The following ZFP2 variants were observed in gnomAD, a reference collection of about 807,000 sequenced individuals.
ZFP2 encodes the protein zinc finger protein ZFP2.
In ZFP2, 33 loss-of-function variants were observed where a neutral mutation model predicts 36.1. The observed-to-expected ratio is 0.92, with a 90% CI of 0.69 to 1.22. The LOEUF (loss-of-function observed/expected upper bound fraction) is 1.22, where lower values mean the gene tolerates loss of function less well. Ranked by LOEUF, ZFP2 falls within the 50% of genes most tolerant of loss-of-function variation. The pLI, the probability that ZFP2 is intolerant of heterozygous loss-of-function variation, is 0.00. For synonymous variants in ZFP2, 170 were observed against 178.0 expected (o/e 0.96, Z 0.36); for missense variants, 522 against 551.4 (o/e 0.95, Z 0.53).
At chr5:178,920,351 C>T (rs1202567003) in intron 4 of ZFP2, among the ~76,000 whole-genome samples, 1 of 152,004 alleles carries the variant, frequency 6.6e-6, no homozygotes, top group African/African-American at 2.4e-5. Context: ...ATTAAAAATA[C>T]TGTAGGGCTA....
intron 1 of ZFP2, among the ~76,000 whole-genome samples, chr5:178,903,583 T>G (rs182797534): frequency 1.2e-3 from 184 of 152,354 alleles, no homozygotes; most frequent in Admixed American, 1.4e-3. Flanking sequence ...GTCATGTTTC[T>G]TTTAAATTTG....
intron 3 of ZFP2, among the ~76,000 whole-genome samples, chr5:178,913,447 G>A (rs984597461): frequency 2.0e-5 from 3 of 152,132 alleles, no homozygotes; most frequent in Admixed American, 2.0e-4. Context: ...CAACCATAAC[G>A]TATATCCATA....
chr5:178,903,619 A>C (rs1054576786), intron 1 of ZFP2, among the ~76,000 whole-genome samples: 1 of 152,216 alleles, frequency 6.6e-6, no homozygotes, highest in African/African-American at 2.4e-5. Context: ...GCTACAAAAA[A>C]GTTTTGAAGT....
At chr5:178,912,132 CA>C (rs955948199) in intron 1 of ZFP2, among the ~76,000 whole-genome samples, 16 of 151,882 alleles carry the variant, frequency 1.1e-4, no homozygotes, top group Non-Finnish European at 2.4e-4. Context: ...GACTCGGTCT[CA>C]AAAAAATAGG....
chr5:178,924,487 G>A (rs1196125134), intron 4 of ZFP2, among the ~76,000 whole-genome samples: 2 of 148,474 alleles, frequency 1.3e-5, no homozygotes, highest in Non-Finnish European at 3.0e-5. Flanking sequence ...TAGTGTTATC[G>A]TAACCACTGT....
intron 4 of ZFP2, among the ~76,000 whole-genome samples, chr5:178,920,524 C>G (rs1758537553): frequency 2.6e-5 from 4 of 151,954 alleles, no homozygotes; most frequent in African/African-American, 9.7e-5. Flanking sequence ...GTAGTCCCAG[C>G]TACTCAGGAG....
chr5:178,910,540 A>C, intron 1 of ZFP2: 1 of 536,620 alleles, frequency 1.9e-6, no homozygotes. Flanking sequence ...TGCTGGGGTC[A>C]TGGTCTGCAT....
intron 4 of ZFP2, among the ~76,000 whole-genome samples, chr5:178,925,148 C>CAT (rs1758643371): frequency 8.0e-6 from 1 of 125,476 alleles, no homozygotes; most frequent in African/African-American, 2.6e-5. Context: ...CACACACACA[C>CAT]ACATATATAT....
In ZFP2 at chr5:178,932,436, A is replaced by G; in HGVS notation, c.1123A>G (p.Ile375Val). 6.2e-7 allele frequency: 1 copy of G among 1,614,186 alleles called. No homozygotes were observed. Among genetic ancestry groups the G allele is most frequent in the Non-Finnish European group, 8.5e-7 (1 of 1,180,040 alleles). The change falls in exon 5 of 5, where the codon ATT becomes GTT. Residue 375 changes from isoleucine (I) to valine (V), a missense_variant. Ile to Val is a conservative substitution (Grantham distance 29, BLOSUM62 3). Coordinates refer to ENST00000361362, the MANE Select transcript of ZFP2 (RefSeq NM_030613.4). Reference sequence around the variant, plus strand: ...ATCATCCCTTACCGTGCATCAGGTCATTCACACTGGAGAGAAACCTTATGA... The same window carrying G: ...ATCATCCCTTACCGTGCATCAGGTCGTTCACACTGGAGAGAAACCTTATGA... ...GRSSLTVHQV[I>V]HTGEKPYECN...
intron 3 of ZFP2, among the ~76,000 whole-genome samples, chr5:178,915,154 C>T (rs527365248): frequency 2.1e-4 from 32 of 151,956 alleles, no homozygotes; most frequent in Non-Finnish European, 4.7e-4. Context: ...TTTTTCCTTG[C>T]TCCCTAGATT....
chr5:178,922,613 G>GC lies in ZFP2; in HGVS notation c.-78+5906dup, dbSNP rs937950110. On this transcript the variant is annotated intron_variant, in intron 4 of 4. Coordinates refer to ENST00000361362, the MANE Select transcript of ZFP2 (RefSeq NM_030613.4). Reference sequence around the variant, plus strand: ...ACAGGGCAAGAGCATGGCAGGTATGGCCCATCTCCTGTACGCTTGGAGCGA... The same window carrying GC: ...ACAGGGCAAGAGCATGGCAGGTATGGCCCCATCTCCTGTACGCTTGGAGCGA... The GC allele has an allele frequency of 1.2e-5, 19 of 1,580,252 alleles. 1 individual carries two copies. The Admixed American group carries it at 2.7e-4, about 22-fold the overall frequency.
intron 4 of ZFP2, among the ~76,000 whole-genome samples, chr5:178,920,758 G>C (rs1192323442): frequency 6.6e-6 from 1 of 151,836 alleles, no homozygotes; most frequent in Non-Finnish European, 1.5e-5. Context: ...ACTCTGACTT[G>C]TTGGAACAAG....
At chr5:178,922,417 T>C in intron 4 of ZFP2, 1 of 1,339,446 alleles carries the variant, frequency 7.5e-7, no homozygotes, top group Non-Finnish European at 1.1e-6. Context: ...TTGCAGTTAT[T>C]TTGTCTACTT....
Position 178,932,766 on chromosome 5 carries a change from G to A in ZFP2, c.*67G>A. 1.3e-6 allele frequency: 2 copies of A among 1,496,962 alleles called. No individual in the cohort carries two copies. The highest frequency in any genetic ancestry group is 2.8e-5 in the South Asian group (2 of 70,458). The allele number at this position is 1,496,962 out of a possible 1,614,324, so 92.7% of individuals were successfully genotyped here. On this transcript the variant is annotated 3_prime_UTR_variant, in exon 5 of 5. Coordinates refer to ENST00000361362, the MANE Select transcript of ZFP2 (RefSeq NM_030613.4). Reference sequence around the variant, plus strand: ...GTAATAATCATATGAGACATACAATGTAGAAACCTAATAAATGTAATGATT... The same window carrying A: ...GTAATAATCATATGAGACATACAATATAGAAACCTAATAAATGTAATGATT...
rs182791248 is a variant in ZFP2, at chr5:178,923,851, C to G, written c.-78+7141C>G. On this transcript the variant is annotated intron_variant, in intron 4 of 4. Transcript: ENST00000361362. ...TCCTACTATTAAGTTTTCTGTAGTACAAAAATATGTTTGAACTTAAAATGA... is the reference window on the plus strand; with the variant it reads ...TCCTACTATTAAGTTTTCTGTAGTAGAAAAATATGTTTGAACTTAAAATGA... Among the ~76,000 whole-genome samples the G allele has an allele frequency of 1.2e-4, 18 of 148,390 alleles. 1 individual carries two copies. The highest frequency in any genetic ancestry group is 2.6e-4 in the Non-Finnish European group (17 of 66,278).
At chr5:178,904,539 T>C (rs897883946) in intron 1 of ZFP2, among the ~76,000 whole-genome samples, 2 of 151,380 alleles carry the variant, frequency 1.3e-5, no homozygotes, top group Non-Finnish European at 2.9e-5. Context: ...ATATGAAATA[T>C]ATATGAGAGT....
chr5:178,912,007 C>T (rs1758306877), intron 1 of ZFP2, among the ~76,000 whole-genome samples: 2 of 152,078 alleles, frequency 1.3e-5, no homozygotes, highest in Middle Eastern at 3.2e-3. Context: ...GTGGTGGGCA[C>T]CTGTAATCCC....
Position 178,932,642 on chromosome 5 carries a change from C to G in ZFP2, c.1329C>G (p.Cys443Trp). 2 of 1,612,702 alleles carry G rather than the reference C, an allele frequency of 1.2e-6. 1 individual carries two copies. Among genetic ancestry groups the G allele is most frequent in the Admixed American group, 3.3e-5 (2 of 59,740 alleles). Residue 443 changes from cysteine (C) to tryptophan (W), a missense_variant, in exon 5 of 5, where the codon TGC becomes TGG. By Grantham distance (215) the Cys-to-Trp change is radical. Coordinates refer to ENST00000361362, the MANE Select transcript of ZFP2 (RefSeq NM_030613.4). ...AGAAACCCTATCAGTGTAATGAATGCGGAAAAGCCTTCAGCCGGAGTACAA... is the reference window on the plus strand; with the variant it reads ...AGAAACCCTATCAGTGTAATGAATGGGGAAAAGCCTTCAGCCGGAGTACAA... ...TGEKPYQCNE[C>W]GKAFSRSTNL...
At chr5:178,905,747 T>A (rs938109358) in intron 1 of ZFP2, among the ~76,000 whole-genome samples, 2 of 152,028 alleles carry the variant, frequency 1.3e-5, no homozygotes, top group African/African-American at 4.8e-5. Flanking sequence ...CTTTCTTTTT[T>A]TTTTTCTTTT....
Sources: gnomAD v4.1 joint callset for allele counts (sites outside exome capture counted in the v4.1 genomes callset) on GRCh38, gnomAD v4.1.1 for gene constraint, MANE v1.5 for transcripts, NCBI Gene and HGNC (gene_info 2026-07-23, HGNC 2026-07-21) for gene names.